ESRRG: variants seen among roughly 807,000 people sequenced by gnomAD.
ESRRG encodes estrogen related receptor gamma.
In ESRRG, 13 loss-of-function variants were observed where a neutral mutation model predicts 44.0. That is an observed-to-expected ratio of 0.30 (90% CI 0.19 to 0.47). The LOEUF (loss-of-function observed/expected upper bound fraction) is 0.47. ESRRG is among the 20% of genes least tolerant of loss of function. The probability of loss-of-function intolerance (pLI) is 1.00; values close to 1 mark genes in which losing one functional copy is unlikely to be tolerated. For missense variants in ESRRG, 395 were observed against 580.6 expected, an observed-to-expected ratio of 0.68 and a Z score of 3.29; for synonymous variants, 215 against 214.6, an observed-to-expected ratio of 1.00 and a Z score of -0.02.
At chr1:216,906,849 A>C (rs2059736441) in intron 2 of ESRRG, among the ~76,000 whole-genome samples, 1 of 152,232 alleles carries the variant, frequency 6.6e-6, no homozygotes, top group African/African-American at 2.4e-5. Context: ...TTGTACATTT[A>C]GAGATAAAGA....
intron 2 of ESRRG, among the ~76,000 whole-genome samples, chr1:216,852,800 T>C (rs11117706): frequency 0.086 from 13,014 of 152,190 alleles, 841 homozygotes; most frequent in East Asian, 0.3. Context: ...ATAGGACTCA[T>C]CCTACCTTAT....
chr1:217,106,117 A>G (rs1161558232), intron 1 of ESRRG, among the ~76,000 whole-genome samples: 1 of 152,246 alleles, frequency 6.6e-6, no homozygotes, highest in African/African-American at 2.4e-5. Flanking sequence ...AAAAATGAAA[A>G]AGAATAAAGT....
chr1:216,807,728 T>A (rs887468550), intron 2 of ESRRG, among the ~76,000 whole-genome samples: 5 of 146,856 alleles, frequency 3.4e-5, no homozygotes, highest in African/African-American at 1.2e-4. Flanking sequence ...AAAAAAAAAA[T>A]CATGAATTGT....
chr1:216,900,971 C>T (rs557797210), intron 2 of ESRRG, among the ~76,000 whole-genome samples: 2 of 152,280 alleles, frequency 1.3e-5, no homozygotes, highest in South Asian at 2.1e-4. Context: ...CCAAATTTCT[C>T]ACTTGCTAGC....
chr1:216,965,338 TTTCAAGATGTAGATG>T (rs2150222718), intron 1 of ESRRG, among the ~76,000 whole-genome samples: 1 of 128,538 alleles, frequency 7.8e-6, no homozygotes, highest in Non-Finnish European at 1.8e-5. Context: ...AGCTCCATTT[TTTCAAGATGTAGATG>T]AATTTTTTAA....
intron 2 of ESRRG, among the ~76,000 whole-genome samples, chr1:216,673,935 T>C (rs1415921495): frequency 1.3e-5 from 2 of 152,112 alleles, no homozygotes; most frequent in Non-Finnish European, 2.9e-5. Flanking sequence ...GAATCACAGG[T>C]TCTCAGTAAA....
At chr1:216,993,768 T>A (rs2076029168) in intron 1 of ESRRG, among the ~76,000 whole-genome samples, 1 of 152,196 alleles carries the variant, frequency 6.6e-6, no homozygotes, top group Admixed American at 6.5e-5. Context: ...GCGCTCACTC[T>A]GGCTCCTGTT....
chr1:216,962,509 T>C (rs942867715), intron 1 of ESRRG, among the ~76,000 whole-genome samples: 10 of 152,216 alleles, frequency 6.6e-5, no homozygotes, highest in African/African-American at 2.2e-4. Context: ...TGTAAAGTCC[T>C]GCATCTGTTG....
intron 1 of ESRRG, among the ~76,000 whole-genome samples, chr1:216,712,494 T>A (rs1017273105): frequency 2.0e-5 from 3 of 152,168 alleles, no homozygotes; most frequent in Non-Finnish European, 4.4e-5. Flanking sequence ...TTGCATGTAG[T>A]ATTGGCGACG....
chr1:217,109,490 A>G (rs571432531), intron 1 of ESRRG, among the ~76,000 whole-genome samples: 1 of 152,310 alleles, frequency 6.6e-6, no homozygotes, highest in Admixed American at 6.5e-5. Context: ...TCTGGGCTGA[A>G]CTAAATGAAG....
At position 217,050,876 on chromosome 1, in the gene ESRRG, G is replaced by T. The variant is rs1268457698; in HGVS notation, c.-106+38631C>A. Among the ~76,000 whole-genome samples the T allele has an allele frequency of 2.6e-5, 4 of 151,974 alleles. No homozygotes were observed. In the East Asian group the frequency reaches 7.8e-4, roughly 30 times the overall value. ...CGGGCTATTAGAAGACCTTTCTAGG[G>T]CTCCAAATGATAAAAATAGTGCTGT... is the stretch of plus-strand genomic sequence containing the variant. On this transcript the variant is annotated intron_variant, in intron 1 of 7. Transcript: ENST00000359162.
intron 1 of ESRRG, among the ~76,000 whole-genome samples, chr1:217,004,768 G>T (rs11572438): frequency 0.015 from 2,226 of 152,180 alleles, 29 homozygotes; most frequent in Non-Finnish European, 0.023. Context: ...GAATGATGCT[G>T]CTTGACACAT....
chr1:217,005,172 A>G (rs917671355), intron 1 of ESRRG, among the ~76,000 whole-genome samples: 2 of 152,112 alleles, frequency 1.3e-5, no homozygotes, highest in Non-Finnish European at 2.9e-5. Context: ...TTTTCATTAG[A>G]CTTTTTTAAA....
At chr1:216,718,137 A>T (rs12093353) in intron 1 of ESRRG, among the ~76,000 whole-genome samples, 2,887 of 152,046 alleles carry the variant, frequency 0.019, 86 homozygotes, top group African/African-American at 0.066. Flanking sequence ...GTAAACTCAG[A>T]TTAAAATCAG....
intron 5 of ESRRG, among the ~76,000 whole-genome samples, chr1:216,532,058 T>C (rs886503720): frequency 6.6e-6 from 1 of 151,368 alleles, no homozygotes; most frequent in Non-Finnish European, 1.5e-5. Context: ...TTGAGTAGCA[T>C]GAACATTACC....
rs191771582 is a variant in ESRRG at position 216,606,629 on chromosome 1, C to T, written c.590-38531G>A. Among the ~76,000 whole-genome samples the T allele has an allele frequency of 3.2e-3, 487 of 152,152 alleles. 3 individuals are homozygous for T. Among genetic ancestry groups the T allele is most frequent in the African/African-American group, 0.011 (440 of 41,524 alleles). ...CAATTATCAGATAGTCAGCAAGGAA[C>T]GCAAGGGTACAGAAGATTCCATAAT... On this transcript the variant is annotated intron_variant, in intron 3 of 6. Transcript: ENST00000408911.
intron 2 of ESRRG, among the ~76,000 whole-genome samples, chr1:216,879,315 C>T (rs1443301125): frequency 6.6e-6 from 1 of 151,972 alleles, no homozygotes; most frequent in African/African-American, 2.4e-5. Flanking sequence ...GTGCTGACTT[C>T]CTGTCCACTG....
intron 3 of ESRRG, among the ~76,000 whole-genome samples, chr1:216,618,417 A>ATCT (rs2061713402): frequency 6.6e-6 from 1 of 152,230 alleles, no homozygotes; most frequent in Non-Finnish European, 1.5e-5. Flanking sequence ...GGTAGGTTAT[A>ATCT]CAGGAATTGA....
intron 3 of ESRRG, among the ~76,000 whole-genome samples, chr1:216,592,576 C>T (rs1204491441): frequency 1.3e-5 from 2 of 152,040 alleles, no homozygotes; most frequent in East Asian, 1.9e-4. Context: ...TCTTGGCTCA[C>T]TGCAACCTCC....
Sources: allele counts gnomAD v4.1 joint callset (sites outside exome capture counted in the v4.1 genomes callset), GRCh38; gene constraint gnomAD v4.1.1; transcripts MANE v1.5; gene names NCBI Gene and HGNC (gene_info 2026-07-23, HGNC 2026-07-21).